MACROD2: variants seen among roughly 807,000 people sequenced by gnomAD.
MACROD2 encodes mono-ADP ribosylhydrolase 2, also known as ADP-ribose glycohydrolase MACROD2.
In MACROD2, 36 loss-of-function variants were observed where a neutral mutation model predicts 70.4. The observed-to-expected ratio is 0.51, with a 90% CI of 0.39 to 0.68. The LOEUF is 0.68. Among genes scored for constraint, MACROD2 ranks in the 30% least tolerant of loss-of-function variants. The probability of loss-of-function intolerance (pLI) is 0.00; values close to 1 mark genes in which losing one functional copy is unlikely to be tolerated. For missense variants in MACROD2, 496 were observed against 538.4 expected, an observed-to-expected ratio of 0.92 and a Z score of 0.78; for synonymous variants, 172 against 178.8, an observed-to-expected ratio of 0.96 and a Z score of 0.30.
intron 4 of MACROD2, among the ~76,000 whole-genome samples, chr20:14,572,197 T>C (rs1009748874): frequency 2.6e-5 from 4 of 152,134 alleles, no homozygotes; most frequent in Non-Finnish European, 5.9e-5. Context: ...GCCAATCATA[T>C]ATGGATTTCT....
At chr20:14,855,756 T>C (rs1252649584) in intron 5 of MACROD2, among the ~76,000 whole-genome samples, 1 of 151,954 alleles carries the variant, frequency 6.6e-6, no homozygotes, top group Non-Finnish European at 1.5e-5. Flanking sequence ...GAAACGAGAC[T>C]AAATTCTCAT....
chr20:14,531,614 T>C lies in MACROD2; in HGVS notation c.301+38106T>C, dbSNP rs114839780. ...TGTTACAGAAACCCAAGAAAACTTATATAGCAGGTATTTTATTAGTGGTAG... is the reference window on the plus strand; with the variant it reads ...TGTTACAGAAACCCAAGAAAACTTACATAGCAGGTATTTTATTAGTGGTAG... On this transcript the variant is annotated intron_variant, in intron 4 of 17. Coordinates refer to ENST00000684519, the MANE Select transcript of MACROD2 (RefSeq NM_001351661.2). Among the ~76,000 whole-genome samples, 723 of 152,312 alleles carry C rather than the reference T, an allele frequency of 4.7e-3. 13 individuals are homozygous for C. Among genetic ancestry groups the C allele is most frequent in the African/African-American group, 0.016 (679 of 41,568 alleles).
At chr20:15,160,067 A>G (rs2076337137) in intron 5 of MACROD2, among the ~76,000 whole-genome samples, 1 of 100,594 alleles carries the variant, frequency 9.9e-6, no homozygotes. Flanking sequence ...AAATGGAGAC[A>G]GGGCATGGAA....
intron 8 of MACROD2, among the ~76,000 whole-genome samples, chr20:15,808,824 C>T (rs1381279809): frequency 6.6e-6 from 1 of 152,294 alleles, no homozygotes; most frequent in East Asian, 1.9e-4. Context: ...CCTACCCTAA[C>T]ACATTGGCTT....
intron 5 of MACROD2, among the ~76,000 whole-genome samples, chr20:14,716,065 A>G (rs1264818599): frequency 6.6e-6 from 1 of 152,142 alleles, no homozygotes; most frequent in African/African-American, 2.4e-5. Context: ...TGCAATTATA[A>G]TTCTTTCTGA....
chr20:14,530,765 T>C (rs2085293307), intron 4 of MACROD2, among the ~76,000 whole-genome samples: 1 of 152,200 alleles, frequency 6.6e-6, no homozygotes, highest in Non-Finnish European at 1.5e-5. Context: ...TTTTTAAGTG[T>C]GTGTTTAATT....
At chr20:14,183,145 A>G (rs1208045246) in intron 3 of MACROD2, among the ~76,000 whole-genome samples, 1 of 150,342 alleles carries the variant, frequency 6.7e-6, no homozygotes, top group East Asian at 2.0e-4. Context: ...AGGCTTAATA[A>G]AATTGGTTAT....
At chr20:15,774,505 G>A (rs1324735298) in intron 8 of MACROD2, among the ~76,000 whole-genome samples, 2 of 152,084 alleles carry the variant, frequency 1.3e-5, no homozygotes, top group East Asian at 3.9e-4. Context: ...GATTCTGATG[G>A]GTCCAAATTC....
Position 14,230,654 on chromosome 20 carries a change from T to TATAAAA in MACROD2, c.271+144927_271+144928insTAAAAA. On this transcript the variant is annotated intron_variant, in intron 3 of 17. Coordinates refer to ENST00000684519, the MANE Select transcript of MACROD2 (RefSeq NM_001351661.2). ...GTTTATATATATATATATATATATA[T>TATAAAA]AACACAGGCTGGGCCTATATATATA... 8.1e-5 allele frequency among the ~76,000 whole-genome samples: 6 copies of TATAAAA among 74,240 alleles called. 1 individual carries two copies. Among genetic ancestry groups the TATAAAA allele is most frequent in the African/African-American group, 2.7e-4 (4 of 14,792 alleles). 48.7% of individuals were successfully genotyped at this position (74,240 alleles called of 152,430 possible).
At chr20:15,168,440 GAT>G (rs1491118086) in intron 5 of MACROD2, among the ~76,000 whole-genome samples, 7 of 105,304 alleles carry the variant, frequency 6.6e-5, no homozygotes, top group Non-Finnish European at 1.3e-4. Context: ...CACATTGTGG[GAT>G]GTGTGTGTGT....
chr20:15,830,814 A>T (rs192811228), intron 8 of MACROD2, among the ~76,000 whole-genome samples: 1 of 152,362 alleles, frequency 6.6e-6, no homozygotes, highest in East Asian at 1.9e-4. Flanking sequence ...CTATTTGCAA[A>T]CAAAAAACAC....
At chr20:15,763,171 C>T (rs578049033) in intron 8 of MACROD2, among the ~76,000 whole-genome samples, 1 of 152,182 alleles carries the variant, frequency 6.6e-6, no homozygotes, top group East Asian at 1.9e-4. Flanking sequence ...ACCCTCTGCG[C>T]ACCGCCACTG....
intron 5 of MACROD2, among the ~76,000 whole-genome samples, chr20:14,852,360 G>T (rs1172766787): frequency 6.6e-6 from 1 of 152,104 alleles, no homozygotes; most frequent in African/African-American, 2.4e-5. Context: ...ACTATAGAAA[G>T]AATAGTTTTA....
At chr20:15,010,585 C>T (rs1358301419) in intron 5 of MACROD2, among the ~76,000 whole-genome samples, 2 of 152,170 alleles carry the variant, frequency 1.3e-5, no homozygotes, top group African/African-American at 2.4e-5. Context: ...GATTTGAGGA[C>T]AGAATGAATC....
chr20:15,517,988 T>C (rs1370097521), intron 8 of MACROD2, among the ~76,000 whole-genome samples: 5 of 152,158 alleles, frequency 3.3e-5, no homozygotes, highest in Non-Finnish European at 7.3e-5. Flanking sequence ...GCACAGACCA[T>C]CAAAAGTCTG....
intron 7 of MACROD2, among the ~76,000 whole-genome samples, chr20:15,490,014 C>T (rs1246324102): frequency 6.6e-6 from 1 of 152,168 alleles, no homozygotes; most frequent in African/African-American, 2.4e-5. Flanking sequence ...ATGCCCACCA[C>T]AGCATATCAT....
At chr20:15,618,383 G>T (rs1255503268) in intron 8 of MACROD2, among the ~76,000 whole-genome samples, 1 of 152,086 alleles carries the variant, frequency 6.6e-6, no homozygotes, top group East Asian at 1.9e-4. Flanking sequence ...TATCTGCAAA[G>T]CTGAACTAGA....
intron 5 of MACROD2, among the ~76,000 whole-genome samples, chr20:14,835,752 T>C (rs1206505064): frequency 6.6e-6 from 1 of 152,032 alleles, no homozygotes; most frequent in East Asian, 1.9e-4. Context: ...CTTAAGAAAC[T>C]GTGGCCATTT....
At chr20:14,998,315 C>T (rs1395691094) in intron 5 of MACROD2, among the ~76,000 whole-genome samples, 1 of 152,052 alleles carries the variant, frequency 6.6e-6, no homozygotes, top group Non-Finnish European at 1.5e-5. Context: ...TGATATGTGA[C>T]CTTTCAGATG....
Sources: allele counts gnomAD v4.1 joint callset (sites outside exome capture counted in the v4.1 genomes callset), GRCh38; gene constraint gnomAD v4.1.1; transcripts MANE v1.5; gene names NCBI Gene and HGNC (gene_info 2026-07-23, HGNC 2026-07-21).